The following TACC2 variants were observed in gnomAD, a reference collection of about 807,000 sequenced individuals.
The protein encoded by TACC2 is transforming acidic coiled-coil containing protein 2, also known as transforming acidic coiled-coil-containing protein 2.
Under a neutral mutation model 227.3 loss-of-function variants are expected in TACC2, and 137 were observed. The ratio of observed to expected loss-of-function variants is 0.60; its 90% CI spans 0.52 to 0.69. The LOEUF (loss-of-function observed/expected upper bound fraction) is 0.69. Ranked by LOEUF, TACC2 falls within the 30% of genes least tolerant of loss-of-function variation. The pLI, the probability that TACC2 is intolerant of heterozygous loss-of-function variation, is 0.00. For synonymous variants in TACC2, 1,523 were observed against 1,487.5 expected, an observed-to-expected ratio of 1.02 and a Z score of -0.55; for missense variants, 3,470 against 3,694.4, an observed-to-expected ratio of 0.94 and a Z score of 1.57.
At chr10:122,057,622 G>C (rs558832418) in intron 3 of TACC2, among the ~76,000 whole-genome samples, 72 of 151,294 alleles carry the variant, frequency 4.8e-4, no homozygotes, top group African/African-American at 1.6e-3. Context: ...GACCAACATG[G>C]AGAAACCCTG....
rs887306452 is a variant in TACC2 at position 122,085,775 on chromosome 10, C to A, written c.3275C>A (p.Pro1092Gln). 6 of 1,613,742 alleles carry A rather than the reference C, an allele frequency of 3.7e-6. No individual in the cohort carries two copies. The South Asian group carries it at 6.6e-5, about 18-fold the overall frequency. Residue 1092 changes from proline to glutamine, a missense_variant, in exon 4 of 23, where the codon CCA becomes CAA. By Grantham distance (76) the Pro-to-Gln change is moderately conservative. Transcript: ENST00000369005. ...CDETQEGRQQ[P>Q]VPAPQQKMEC... ...GAAACCCAGGAAGGCAGGCAGCAACCAGTGCCGGCCCCGCAGCAGAAAATG... is the reference window on the plus strand; with the variant it reads ...GAAACCCAGGAAGGCAGGCAGCAACAAGTGCCGGCCCCGCAGCAGAAAATG...
rs944497773 is a variant in TACC2 at position 122,211,314 on chromosome 10, A to C, written c.6889A>C (p.Met2297Leu). 1 of 1,614,082 alleles carries C rather than the reference A, an allele frequency of 6.2e-7. No homozygotes were observed. The highest frequency in any genetic ancestry group is 2.2e-5 in the East Asian group (1 of 44,868). Residue 2297 changes from methionine (M) to leucine (L), a missense_variant, in exon 9 of 23, where the codon ATG becomes CTG. Physicochemically the swap from Met to Leu is conservative, Grantham distance 15 (BLOSUM62 2). Around this residue, in one of 10 missense-constraint regions of TACC2, gnomAD observed 593 missense variants for 636.6 expected, o/e 0.93. Coordinates refer to ENST00000369005, the MANE Select transcript of TACC2 (RefSeq NM_206862.4). ...KKIGKKPVAK[M>L]PLRRPKMKKT... is the part of the protein sequence containing the mutation. ...GATAGGCAAAAAGCCAGTTGCCAAA[A>C]TGCCCCTGAGGAGGCCAAAGATGAA... is the stretch of plus-strand genomic sequence containing the variant.
intron 7 of TACC2, among the ~76,000 whole-genome samples, chr10:122,148,787 C>T (rs1305773379): frequency 6.6e-6 from 1 of 152,214 alleles, no homozygotes; most frequent in Non-Finnish European, 1.5e-5. Context: ...TTCACACTCC[C>T]CTCCCCCCAC....
At chr10:121,993,916 G>C (rs1041327174) in intron 1 of TACC2, among the ~76,000 whole-genome samples, 1 of 152,080 alleles carries the variant, frequency 6.6e-6, no homozygotes, top group Non-Finnish European at 1.5e-5. Context: ...TTATATAGAC[G>C]TAAGCCACCA....
rs7917175 is a variant in TACC2 at position 122,143,927 on chromosome 10, G to A, written c.5834+221G>A. Among the ~76,000 whole-genome samples the A allele has an allele frequency of 0.64, 96,581 of 152,062 alleles. 33,223 individuals are homozygous for A. The highest frequency in any genetic ancestry group is 0.78 in the Non-Finnish European group (53,020 of 68,004). On this transcript the variant is annotated intron_variant, in intron 7 of 22. Coordinates refer to ENST00000369005, the MANE Select transcript of TACC2 (RefSeq NM_206862.4). ...TCACAGTGGGAAGCATGGTGTGGGC[G>A]AGTGCGTTAGGGTTCTGCACAGAAA...
At chr10:122,125,091 G>A (rs560329675) in intron 5 of TACC2, among the ~76,000 whole-genome samples, 6 of 152,092 alleles carry the variant, frequency 3.9e-5, no homozygotes, top group East Asian at 1.9e-4. Context: ...ACCTTTTTCC[G>A]TCTGAACCAG....
intron 2 of TACC2, among the ~76,000 whole-genome samples, chr10:122,036,217 G>C (rs920993278): frequency 3.3e-5 from 5 of 149,958 alleles, no homozygotes; most frequent in African/African-American, 9.9e-5. Flanking sequence ...TTTTGAGACG[G>C]AGTCTCGCTC....
chr10:122,039,628 C>T (rs2074003892), intron 2 of TACC2, among the ~76,000 whole-genome samples: 1 of 152,166 alleles, frequency 6.6e-6, no homozygotes, highest in Non-Finnish European at 1.5e-5. Context: ...CTCCTCGGAG[C>T]CTCTAGGCAG....
chr10:122,227,777 T>C (rs2095657475), intron 13 of TACC2, 60 bp from the exon 14 acceptor site: 16 of 1,542,754 alleles, frequency 1.0e-5, no homozygotes, highest in Non-Finnish European at 1.4e-5. Context: ...GGCATCCTGG[T>C]TGATTTCAGT....
chr10:122,031,620 G>C (rs1206528121), intron 2 of TACC2, among the ~76,000 whole-genome samples: 1 of 151,846 alleles, frequency 6.6e-6, no homozygotes, highest in Non-Finnish European at 1.5e-5. Context: ...AGCCAGGTTG[G>C]TCTCGATCTC....
At position 122,086,694 on chromosome 10, in the gene TACC2, A is replaced by G. The variant is rs142268660; in HGVS notation, c.4194A>G (p.Gln1398=). 1.9e-5 allele frequency: 30 copies of G among 1,613,824 alleles called. No homozygotes were observed. Among genetic ancestry groups the G allele is most frequent in the Non-Finnish European group, 2.5e-5 (29 of 1,179,860 alleles). Residue 1398 remains glutamine (Q), a synonymous_variant, in exon 4 of 23, where the codon CAA becomes CAG. Coordinates refer to ENST00000369005, the MANE Select transcript of TACC2 (RefSeq NM_206862.4). ...TSGGVDTSSE[Q]IATLTGFPDF... is the part of the protein sequence containing the mutation. ...GTGGTGTGGACACAAGCTCTGAGCA[A>G]ATCGCCACCCTCACTGGCTTCCCAG... is the stretch of plus-strand genomic sequence containing the variant.
At chr10:122,143,541 A>G (rs368942633) in intron 6 of TACC2, 31 bp from the exon 7 acceptor site, 7 of 1,609,866 alleles carry the variant, frequency 4.3e-6, no homozygotes, top group Non-Finnish European at 5.9e-6. Context: ...GCCCAGCACC[A>G]TGTGGAATAA....
chr10:121,994,054 C>A (rs192815419), intron 1 of TACC2, among the ~76,000 whole-genome samples: 1 of 152,256 alleles, frequency 6.6e-6, no homozygotes, highest in Non-Finnish European at 1.5e-5. Flanking sequence ...AGCTCCTCAC[C>A]CTTTCTCCAG....
At chr10:122,082,398 G>T (rs1052976278) in intron 3 of TACC2, among the ~76,000 whole-genome samples, 1 of 152,176 alleles carries the variant, frequency 6.6e-6, no homozygotes, top group Admixed American at 6.5e-5. Context: ...CTGCTGATCA[G>T]CATGGAAGGC....
At chr10:122,216,236 T>C (rs948507595) in intron 10 of TACC2, among the ~76,000 whole-genome samples, 1 of 152,164 alleles carries the variant, frequency 6.6e-6, no homozygotes, top group African/African-American at 2.4e-5. Context: ...TCCCCCTTTT[T>C]CTGCCTCCAG....
chr10:122,057,589 G>A (rs2076334411), intron 3 of TACC2, among the ~76,000 whole-genome samples: 1 of 152,124 alleles, frequency 6.6e-6, no homozygotes, highest in Non-Finnish European at 1.5e-5. Flanking sequence ...GATCACCTGA[G>A]GTCGGGAGTT....
intron 2 of TACC2, among the ~76,000 whole-genome samples, chr10:122,044,504 T>C (rs2074736357): frequency 6.6e-6 from 1 of 152,186 alleles, no homozygotes; most frequent in Non-Finnish European, 1.5e-5. Flanking sequence ...TTTGGTCTGC[T>C]TCCCAGCATT....
intron 9 of TACC2, 112 bp downstream of exon 9, chr10:122,211,820 C>T: frequency 1.1e-6 from 1 of 891,606 alleles, no homozygotes; most frequent in Non-Finnish European, 1.7e-6. Context: ...CCCCTGGGTG[C>T]TGTGATGATG....
intron 5 of TACC2, among the ~76,000 whole-genome samples, chr10:122,119,929 A>G (rs4998766): frequency 2.1e-5 from 1 of 47,626 alleles, no homozygotes; most frequent in East Asian, 9.8e-4. Context: ...AAAAGAAAAA[A>G]AAAAAAAAGA....
Sources: gnomAD v4.1 joint callset for allele counts (sites outside exome capture counted in the v4.1 genomes callset) on GRCh38, gnomAD v4.1.1 for gene constraint, gnomAD v4.1.1 regional missense constraint, MANE v1.5 for transcripts, NCBI Gene and HGNC (gene_info 2026-07-23, HGNC 2026-07-21) for gene names.